Variants in SPAG17 observed in about 807,000 individuals in gnomAD.
SPAG17 encodes sperm-associated antigen 17.
In SPAG17, 169 loss-of-function variants were observed where a neutral mutation model predicts 273.6. That is an observed-to-expected ratio of 0.62 (90% CI 0.55 to 0.70). SPAG17 has a LOEUF of 0.70. Among genes scored for constraint, SPAG17 ranks in the 30% least tolerant of loss-of-function variants. The probability of loss-of-function intolerance (pLI) is 0.00; values close to 1 mark genes in which losing one functional copy is unlikely to be tolerated. For missense variants in SPAG17, 2,557 were observed against 2,627.8 expected (o/e 0.97, Z 0.59); for synonymous variants, 825 against 873.2 (o/e 0.94, Z 0.97).
chr1:118,167,431 T>A (rs929435880), intron 1 of SPAG17, among the ~76,000 whole-genome samples: 4 of 152,156 alleles, frequency 2.6e-5, no homozygotes, highest in African/African-American at 9.7e-5. Flanking sequence ...TCTTTTAATC[T>A]CCTGAAATTT....
chr1:118,055,798 A>T lies in SPAG17; in HGVS notation c.2657T>A (p.Leu886Ter), dbSNP rs1018242476. The T allele has an allele frequency of 6.2e-7, 1 of 1,613,132 alleles. No individual in the cohort carries two copies. The highest frequency in any genetic ancestry group is 1.3e-5 in the African/African-American group (1 of 74,904). Residue 886 changes from leucine to a stop codon, truncating the protein, a stop_gained, in exon 19 of 49, where the codon TTG becomes TAG. Coordinates refer to ENST00000336338, the MANE Select transcript of SPAG17 (RefSeq NM_206996.4). LOFTEE classifies it high-confidence loss of function. ...AAGTTTGGCATTAGCAGAAGATTTC[A>T]ATTCCAGCTCAGCTCTGGTCCTGAT... ...KIIRTRAELE[L>*]KSSANAKLTS...
At chr1:118,034,520 C>T (rs1179182681) in intron 24 of SPAG17, among the ~76,000 whole-genome samples, 1 of 152,218 alleles carries the variant, frequency 6.6e-6, no homozygotes, top group East Asian at 1.9e-4. Flanking sequence ...CATGCTACTG[C>T]CACTTGCTCT....
chr1:118,007,973 C>G (rs1031348949), intron 31 of SPAG17, 71 bp downstream of exon 31: 7 of 1,583,544 alleles, frequency 4.4e-6, no homozygotes, highest in Non-Finnish European at 6.1e-6. Context: ...TTTTACTGCC[C>G]CAGAGAAGTG....
At chr1:117,957,203 T>C (rs758996148) in intron 48 of SPAG17, 1 of 1,608,186 alleles carries the variant, frequency 6.2e-7, no homozygotes, top group South Asian at 1.1e-5. Flanking sequence ...TTAGGTAACA[T>C]CCTTTTCCAA....
chr1:118,118,930 A>G (rs182244444), intron 3 of SPAG17, among the ~76,000 whole-genome samples: 59 of 152,342 alleles, frequency 3.9e-4, no homozygotes, highest in Non-Finnish European at 3.5e-4. Flanking sequence ...ATCCAACAAA[A>G]ATATACCAAA....
intron 13 of SPAG17, among the ~76,000 whole-genome samples, chr1:118,082,787 A>G (rs748243848): frequency 2.0e-4 from 30 of 152,220 alleles, no homozygotes; most frequent in Non-Finnish European, 3.8e-4. Flanking sequence ...ACAATTAAGC[A>G]AAAATGTGAA....
intron 1 of SPAG17, among the ~76,000 whole-genome samples, chr1:118,184,009 G>A (rs544611337): frequency 4.6e-5 from 7 of 152,042 alleles, no homozygotes; most frequent in Admixed American, 1.3e-4. Context: ...AGCATCAGGA[G>A]TATCACAACT....
Position 118,085,963 on chromosome 1 carries a change from C to T in SPAG17, c.1721G>A (p.Arg574His), listed in dbSNP as rs759948252. Residue 574 changes from arginine (R) to histidine (H), a missense_variant, in exon 13 of 49, where the codon CGT becomes CAT. Transcript: ENST00000336338. ...PLPPPWNNTK[R>H]LATIHELMHF... Reference sequence around the variant, plus strand: ...CATAAGCTCATGAATTGTAGCTAGACGTTTAGTGTTGTTCCATGGTGGGGG... The same window carrying T: ...CATAAGCTCATGAATTGTAGCTAGATGTTTAGTGTTGTTCCATGGTGGGGG... 23 of 1,612,482 alleles carry T rather than the reference C, an allele frequency of 1.4e-5. No individual in the cohort carries two copies. In the Admixed American group the frequency reaches 2.3e-4, roughly 16 times the overall value.
chr1:118,041,659 T>C (rs748304525), intron 21 of SPAG17, 144 bp downstream of exon 21: 9 of 1,065,848 alleles, frequency 8.4e-6, no homozygotes, highest in Non-Finnish European at 1.2e-5. Flanking sequence ...AGGGGTGGAA[T>C]ACAGGTTTGA....
chr1:117,992,193 T>C (rs1447164407), intron 36 of SPAG17, among the ~76,000 whole-genome samples: 5 of 152,324 alleles, frequency 3.3e-5, no homozygotes, highest in Non-Finnish European at 7.3e-5. Context: ...CAGTTTTCTA[T>C]ACAGTGACAA....
Position 118,050,919 on chromosome 1 carries a change from GCACAACAAAGA to G in SPAG17, c.2814+3072_2814+3082del, listed in dbSNP as rs1383360809. Among the ~76,000 whole-genome samples, 83 of 152,018 alleles carry G rather than the reference GCACAACAAAGA, an allele frequency of 5.5e-4. 1 individual carries two copies. Among genetic ancestry groups the G allele is most frequent in the African/African-American group, 1.9e-3 (78 of 41,352 alleles). The stretch of plus-strand genomic sequence containing the variant: ...GCATCACGTTAGACTAAAACCTTCT[GCACAACAAAGA>G]AAACAATCAACAAAGCGAAGAAATA... On this transcript the variant is annotated intron_variant, in intron 20 of 48. Transcript: ENST00000336338.
Position 118,099,675 on chromosome 1 carries a change from T to A in SPAG17, c.760A>T (p.Asn254Tyr), listed in dbSNP as rs1655936387. The A allele has an allele frequency of 6.2e-7, 1 of 1,613,948 alleles. No individual in the cohort carries two copies. Among genetic ancestry groups the A allele is most frequent in the Non-Finnish European group, 8.5e-7 (1 of 1,179,956 alleles). Residue 254 changes from asparagine to tyrosine, a missense_variant, in exon 6 of 49, where the codon AAT (asparagine) becomes TAT (tyrosine). Asn to Tyr is a moderately radical substitution (Grantham distance 143, BLOSUM62 -2). Transcript: ENST00000336338. ...AGGTGTGTCTGCAGAGGTTCATAAT[T>A]CTCTGAAGATATTTTAATCACGCTG... Reference protein sequence around the residue: ...ITSVIKISSENYEPLQTHLAA... With the variant: ...ITSVIKISSEYYEPLQTHLAA...
chr1:118,123,192 C>T (rs1359350984), intron 3 of SPAG17, among the ~76,000 whole-genome samples: 1 of 152,092 alleles, frequency 6.6e-6, no homozygotes, highest in Non-Finnish European at 1.5e-5. Flanking sequence ...TGCTCCCTTC[C>T]CTCCTTCATT....
chr1:118,062,559 T>C (rs1000644362), intron 18 of SPAG17, among the ~76,000 whole-genome samples: 10 of 151,986 alleles, frequency 6.6e-5, no homozygotes, highest in Non-Finnish European at 7.4e-5. Flanking sequence ...AAAAGGTTCA[T>C]CAGGAAGATA....
chr1:118,108,189 C>T (rs1389248316), intron 4 of SPAG17, among the ~76,000 whole-genome samples: 1 of 152,180 alleles, frequency 6.6e-6, no homozygotes, highest in Non-Finnish European at 1.5e-5. Flanking sequence ...TCACTCCTCC[C>T]ATCCTTCATA....
At chr1:118,138,314 C>G (rs2102315170) in intron 3 of SPAG17, among the ~76,000 whole-genome samples, 1 of 152,236 alleles carries the variant, frequency 6.6e-6, no homozygotes, top group South Asian at 2.1e-4. Flanking sequence ...AATCTTGTGC[C>G]CATTACCCAG....
At chr1:118,030,604 CT>C (rs1648338512) in intron 25 of SPAG17, among the ~76,000 whole-genome samples, 1 of 152,066 alleles carries the variant, frequency 6.6e-6, no homozygotes, top group South Asian at 2.1e-4. Flanking sequence ...CCTTGACCCC[CT>C]GACAGGCCCC....
chr1:118,037,691 G>A (rs1344621432), intron 23 of SPAG17, among the ~76,000 whole-genome samples: 1 of 152,130 alleles, frequency 6.6e-6, no homozygotes, highest in African/African-American at 2.4e-5. Flanking sequence ...GTTTTTCGTG[G>A]CTGCATAACA....
At chr1:118,140,620 G>C (rs967644451) in intron 3 of SPAG17, among the ~76,000 whole-genome samples, 2 of 152,050 alleles carry the variant, frequency 1.3e-5, no homozygotes, top group Non-Finnish European at 2.9e-5. Flanking sequence ...CAAGGGCACC[G>C]ATCTGCCAAA....
Sources: allele counts gnomAD v4.1 joint callset (sites outside exome capture counted in the v4.1 genomes callset), GRCh38; gene constraint gnomAD v4.1.1; transcripts MANE v1.5; gene names NCBI Gene and HGNC (gene_info 2026-07-23, HGNC 2026-07-21).